The following WNT7B variants were observed in gnomAD, a reference collection of about 807,000 sequenced individuals.
The protein encoded by WNT7B is protein Wnt-7b.
Under a neutral mutation model 38.2 loss-of-function variants are expected in WNT7B, and 19 were observed. The ratio of observed to expected loss-of-function variants is 0.50; its 90% CI spans 0.35 to 0.73. The LOEUF is 0.73. WNT7B is among the 30% of genes least tolerant of loss of function. WNT7B has a pLI of 0.01. For missense variants in WNT7B, 423 were observed against 507.9 expected, an observed-to-expected ratio of 0.83 and a Z score of 1.61; for synonymous variants, 243 against 209.3, an observed-to-expected ratio of 1.16 and a Z score of -1.39.
chr22:45,929,618 A>C (rs571761402), intron 3 of WNT7B, among the ~76,000 whole-genome samples: 8 of 142,272 alleles, frequency 5.6e-5, no homozygotes, highest in Non-Finnish European at 1.1e-4. Context: ...CTGCCCATAC[A>C]CCCATCCTTC....
chr22:45,948,240 T>C (rs746734181), intron 2 of WNT7B, among the ~76,000 whole-genome samples: 2 of 152,230 alleles, frequency 1.3e-5, no homozygotes, highest in Non-Finnish European at 2.9e-5. Context: ...GGCCCTGGCA[T>C]GAGTGAGCAC....
intron 1 of WNT7B, among the ~76,000 whole-genome samples, chr22:45,961,958 C>T (rs973226374): frequency 2.6e-5 from 4 of 152,222 alleles, no homozygotes; most frequent in African/African-American, 9.6e-5. Context: ...CACAGTCCCG[C>T]CTGCCACTCT....
intron 2 of WNT7B, among the ~76,000 whole-genome samples, chr22:45,949,030 C>A (rs531536498): frequency 1.3e-5 from 2 of 151,998 alleles, no homozygotes; most frequent in East Asian, 3.9e-4. Context: ...GGGGTTTCAC[C>A]ATGTTGGCCA....
chr22:45,953,070 C>T (rs1466454058), intron 1 of WNT7B, among the ~76,000 whole-genome samples: 2 of 152,192 alleles, frequency 1.3e-5, no homozygotes, highest in African/African-American at 4.8e-5. Context: ...AGGGGGAGCG[C>T]GGTGGGCACT....
At position 45,923,267 on chromosome 22, in the gene WNT7B, G is replaced by A; in HGVS notation, c.639C>T (p.Thr213=). 6.2e-7 allele frequency: 1 copy of A among 1,613,586 alleles called. No individual in the cohort carries two copies. The change falls in exon 4 of 4, where the codon ACC becomes ACT. Residue 213 remains threonine (T), a synonymous_variant. Coordinates refer to ENST00000339464, the MANE Select transcript of WNT7B (RefSeq NM_058238.3). Reference sequence around the variant, plus strand: ...GGAACTTGGGCAGCGTGGTCCAGCAGGTTTTGGTGGTGCAGGAGCCAGACA... The same window carrying A: ...GGAACTTGGGCAGCGTGGTCCAGCAAGTTTTGGTGGTGCAGGAGCCAGACA... ...HGVSGSCTTK[T]CWTTLPKFRE... is the part of the protein sequence containing the mutation.
In WNT7B at chr22:45,930,454, C is replaced by T. The variant is rs567309013; in HGVS notation, c.570+644G>A. Among the ~76,000 whole-genome samples, 188 of 152,358 alleles carry T rather than the reference C, an allele frequency of 1.2e-3. 1 individual carries two copies. Among genetic ancestry groups the T allele is most frequent in the African/African-American group, 4.1e-3 (170 of 41,586 alleles). ...ACCCTATCTCAGGCCATCTTGCCGC[C>T]GTGCAGCTGCTCCTCCCAGCCCAGT... On this transcript the variant is annotated intron_variant, in intron 3 of 3. Coordinates refer to ENST00000339464, the MANE Select transcript of WNT7B (RefSeq NM_058238.3).
intron 2 of WNT7B, among the ~76,000 whole-genome samples, chr22:45,949,279 C>A (rs1931870447): frequency 6.6e-6 from 1 of 152,182 alleles, no homozygotes; most frequent in Admixed American, 6.5e-5. Context: ...TGCCAGCCCA[C>A]CTGGCAGGTT....
rs189702188 is a variant in WNT7B at position 45,971,883 on chromosome 22, C to A, written c.71+4801G>T. 3.9e-3 allele frequency among the ~76,000 whole-genome samples: 599 copies of A among 152,292 alleles called. 6 individuals are homozygous for A. Among genetic ancestry groups the A allele is most frequent in the African/African-American group, 0.014 (570 of 41,568 alleles). ...GGGCCCTCGCGCTGGGCGTGCACAG[C>A]CTGCTCTACTCCCGCAGTCGAGCCG... On this transcript the variant is annotated intron_variant, in intron 1 of 3. Coordinates refer to ENST00000339464, the MANE Select transcript of WNT7B (RefSeq NM_058238.3).
chr22:45,922,700 C>T lies in WNT7B; in HGVS notation c.*156G>A, dbSNP rs1404109544. 46 of 1,227,912 alleles carry T rather than the reference C, an allele frequency of 3.7e-5. No homozygotes were observed. The highest frequency in any genetic ancestry group is 9.1e-5 in the African/African-American group (6 of 65,726). The allele number at this position is 1,227,912 out of a possible 1,614,324, so 76.1% of individuals were successfully genotyped here. A position where few individuals can be genotyped will look rare whatever the true frequency, so the allele number is the denominator to read the frequency against. ...GAGCCCCAGGGAGGCGGGCAGAGGG[C>T]GTGGGCCCCGGCCGGTGCCCTCCTG... On this transcript the variant is annotated 3_prime_UTR_variant, in exon 4 of 4. Transcript: ENST00000339464.
rs1251429006 is a variant in WNT7B, at chr22:45,922,906, C to T, written c.1000G>A (p.Val334Ile). The T allele has an allele frequency of 5.0e-6, 8 of 1,611,182 alleles. No individual in the cohort carries two copies. The highest frequency in any genetic ancestry group is 2.7e-5 in the African/African-American group (2 of 74,898). Residue 334 changes from valine (V) to isoleucine (I), a missense_variant, in exon 4 of 4, where the codon GTC becomes ATC. Physicochemically the swap from Val to Ile is conservative, Grantham distance 29 (BLOSUM62 3). Around this residue, in one of 3 missense-constraint regions of WNT7B, gnomAD observed 158 missense variants for 214.7 expected, o/e 0.74. Coordinates refer to ENST00000339464, the MANE Select transcript of WNT7B (RefSeq NM_058238.3). ...CGCTCGCTGCAGGTGTTGCACTTGA[C>T]GAAGCAGCACCAGTGGAATTTGCAG... The part of the protein sequence containing the change: ...CNCKFHWCCF[V>I]KCNTCSERTE...
chr22:45,964,162 A>T (rs2146748066), intron 1 of WNT7B, among the ~76,000 whole-genome samples: 1 of 152,082 alleles, frequency 6.6e-6, no homozygotes, highest in East Asian at 1.9e-4. Context: ...ACTACTGCAG[A>T]CATGGAGTGA....
At chr22:45,923,991 G>A (rs946503017) in intron 3 of WNT7B, among the ~76,000 whole-genome samples, 13 of 152,302 alleles carry the variant, frequency 8.5e-5, no homozygotes, top group African/African-American at 2.2e-4. Context: ...GGCCCTCCAC[G>A]GGTGCAGCCG....
At chr22:45,963,840 G>A (rs184440340) in intron 1 of WNT7B, among the ~76,000 whole-genome samples, 29 of 152,272 alleles carry the variant, frequency 1.9e-4, no homozygotes, top group Admixed American at 1.6e-3. Context: ...TCCAAAGCAG[G>A]GGACTCCCGC....
intron 2 of WNT7B, among the ~76,000 whole-genome samples, chr22:45,947,970 G>A (rs78286172): frequency 6.6e-6 from 1 of 152,250 alleles, no homozygotes; most frequent in African/African-American, 2.4e-5. Context: ...TGCCCAGGGT[G>A]GCCCACACGT....
At chr22:45,936,608 C>T (rs1339399737) in intron 2 of WNT7B, among the ~76,000 whole-genome samples, 1 of 152,260 alleles carries the variant, frequency 6.6e-6, no homozygotes, top group East Asian at 1.9e-4. Flanking sequence ...CTCAAGCCCT[C>T]AAAGGACCCC....
chr22:45,956,171 G>C (rs540518207), intron 1 of WNT7B, among the ~76,000 whole-genome samples: 2 of 152,326 alleles, frequency 1.3e-5, no homozygotes, highest in East Asian at 3.9e-4. Context: ...GCCTGAGTCT[G>C]CAAATTCCTA....
chr22:45,929,669 C>A (rs1931244316), intron 3 of WNT7B, among the ~76,000 whole-genome samples: 2 of 109,056 alleles, frequency 1.8e-5, no homozygotes, highest in African/African-American at 6.8e-5. Context: ...CCCACCCGCC[C>A]ATCCTTCCCT....
intron 2 of WNT7B, among the ~76,000 whole-genome samples, chr22:45,943,060 G>A (rs1266755898): frequency 1.3e-5 from 2 of 151,794 alleles, no homozygotes; most frequent in African/African-American, 4.8e-5. Flanking sequence ...GCATGTGTGT[G>A]CAGTGTGCAC....
At position 45,966,616 on chromosome 22, in the gene WNT7B, G is replaced by A. The variant is rs1396895996; in HGVS notation, c.71+10068C>T. On this transcript the variant is annotated intron_variant, in intron 1 of 3. Transcript: ENST00000339464. This position sits in a 1 kb window ranked among gnomAD's most constrained non-coding sequence, Gnocchi z 4.2. ...GGCTTCCTCCCAGGCCCAGCTCCAGGCACCTGCAGGCTTCACACTCTAAAG... is the reference window on the plus strand; with the variant it reads ...GGCTTCCTCCCAGGCCCAGCTCCAGACACCTGCAGGCTTCACACTCTAAAG... Among the ~76,000 whole-genome samples the A allele has an allele frequency of 2.6e-5, 4 of 152,184 alleles. No homozygotes were observed. The highest frequency in any genetic ancestry group is 2.6e-4 in the Admixed American group (4 of 15,290).
Sources: gnomAD v4.1 joint callset for allele counts (sites outside exome capture counted in the v4.1 genomes callset) on GRCh38, gnomAD v4.1.1 for gene constraint, gnomAD v4.1.1 regional missense constraint, Gnocchi (gnomAD v3.1) non-coding constraint, MANE v1.5 for transcripts, NCBI Gene and HGNC (gene_info 2026-07-23, HGNC 2026-07-21) for gene names.